Variants in CACUL1 observed in about 807,000 individuals in gnomAD.
The protein encoded by CACUL1 is CDK2-associated and cullin domain-containing protein 1.
CACUL1 carries 13 observed loss-of-function variants against 45.2 expected under a neutral mutation model. The ratio of observed to expected loss-of-function variants is 0.29; its 90% CI spans 0.19 to 0.46. The LOEUF is 0.46. Among genes scored for constraint, CACUL1 ranks in the 20% least tolerant of loss-of-function variants. The pLI is 1.00. For missense variants in CACUL1, 421 were observed against 471.4 expected (o/e 0.89, Z 0.99); for synonymous variants, 197 against 174.2 (o/e 1.13, Z -1.03).
At chr10:118,718,916 A>C (rs1845573375) in intron 3 of CACUL1, among the ~76,000 whole-genome samples, 1 of 152,216 alleles carries the variant, frequency 6.6e-6, no homozygotes, top group African/African-American at 2.4e-5. Context: ...TTTTAAGCTA[A>C]ACTGTTCTTT....
chr10:118,710,976 G>T (rs948522941), intron 3 of CACUL1, among the ~76,000 whole-genome samples: 2 of 152,164 alleles, frequency 1.3e-5, no homozygotes, highest in African/African-American at 4.8e-5. Flanking sequence ...AAAGAAAATA[G>T]TGTGTGTTTT....
chr10:118,741,606 T>C (rs531165691), intron 1 of CACUL1, among the ~76,000 whole-genome samples: 10 of 152,292 alleles, frequency 6.6e-5, no homozygotes, highest in African/African-American at 2.2e-4. Flanking sequence ...TTTTGTAGAT[T>C]CTAGTCCCTA....
At chr10:118,735,997 G>C (rs1845737687) in intron 1 of CACUL1, among the ~76,000 whole-genome samples, 1 of 152,036 alleles carries the variant, frequency 6.6e-6, no homozygotes, top group Non-Finnish European at 1.5e-5. Flanking sequence ...TTTGTCACTA[G>C]AGTATGCTCA....
chr10:118,695,070 C>A, intron 6 of CACUL1, 71 bp downstream of exon 6: 1 of 948,240 alleles, frequency 1.1e-6, no homozygotes, highest in Non-Finnish European at 1.7e-6. Context: ...AAAACACATA[C>A]AGAACCACTG....
At chr10:118,751,607 A>T (rs1331539829) in intron 1 of CACUL1, among the ~76,000 whole-genome samples, 1 of 152,270 alleles carries the variant, frequency 6.6e-6, no homozygotes, top group Admixed American at 6.5e-5. Context: ...TACAGCCTTG[A>T]CATCTTAACT....
chr10:118,699,891 G>A (rs1382231353), intron 5 of CACUL1, among the ~76,000 whole-genome samples: 3 of 151,270 alleles, frequency 2.0e-5, no homozygotes, highest in African/African-American at 7.3e-5. Context: ...CTCGTGATCC[G>A]CCGGCCTCAG....
chr10:118,740,089 G>C (rs1233645014), intron 1 of CACUL1, among the ~76,000 whole-genome samples: 1 of 152,196 alleles, frequency 6.6e-6, no homozygotes, highest in Non-Finnish European at 1.5e-5. Flanking sequence ...GGAGGTTGTA[G>C]TGATCTGAGA....
rs1223130134 is a variant in CACUL1, at chr10:118,684,751, G to A, written c.*1377C>T. 6.6e-6 allele frequency: 1 copy of A among 152,190 alleles called. No homozygotes were observed. Among genetic ancestry groups the A allele is most frequent in the South Asian group, 2.1e-4 (1 of 4,830 alleles). 9.4% of individuals were successfully genotyped at this position (152,190 alleles called of 1,614,324 possible). On this transcript the variant is annotated 3_prime_UTR_variant, in exon 9 of 9. Transcript: ENST00000369151. The stretch of plus-strand genomic sequence containing the variant: ...TATGAAGAACCTGCAGAGCAGACAT[G>A]CGACAGCATCCCTGGGATGTTTCTT...
intron 5 of CACUL1, among the ~76,000 whole-genome samples, chr10:118,700,507 A>G (rs1046555749): frequency 1.6e-4 from 25 of 151,920 alleles, no homozygotes; most frequent in Non-Finnish European, 2.8e-4. Context: ...CACGAGGTCA[A>G]AAGATTGAGA....
chr10:118,743,419 G>GA (rs1287234799), intron 1 of CACUL1, among the ~76,000 whole-genome samples: 1 of 151,660 alleles, frequency 6.6e-6, no homozygotes. Context: ...AAGTACCCAG[G>GA]AAAAAAAGGG....
At chr10:118,702,074 T>A (rs1845385940) in intron 4 of CACUL1, among the ~76,000 whole-genome samples, 1 of 152,200 alleles carries the variant, frequency 6.6e-6, no homozygotes. Flanking sequence ...CTGCCTTAAC[T>A]GAGGACATTA....
chr10:118,727,938 T>C (rs755692908), intron 3 of CACUL1, among the ~76,000 whole-genome samples: 18 of 152,210 alleles, frequency 1.2e-4, no homozygotes, highest in Non-Finnish European at 2.1e-4. Context: ...CTATAAAGCA[T>C]AGATCTAGGG....
At chr10:118,707,407 C>A in intron 4 of CACUL1, 85 bp downstream of exon 4, 3 of 585,848 alleles carry the variant, frequency 5.1e-6, no homozygotes, top group Non-Finnish European at 5.9e-6. Context: ...AAAAGAAAAA[C>A]AGAATATGCT....
chr10:118,696,704 C>T (rs565937791), intron 5 of CACUL1, among the ~76,000 whole-genome samples: 4 of 152,360 alleles, frequency 2.6e-5, no homozygotes, highest in Admixed American at 6.5e-5. Flanking sequence ...AGGCCGCATG[C>T]GGCCCGCAGG....
chr10:118,734,865 T>G (rs1041321272), intron 1 of CACUL1, among the ~76,000 whole-genome samples: 1 of 152,222 alleles, frequency 6.6e-6, no homozygotes, highest in African/African-American at 2.4e-5. Flanking sequence ...ACACATGGAA[T>G]AGCTGGAATC....
rs1392321181 is a variant in CACUL1 at position 118,679,182 on chromosome 10, A to C, written c.*6946T>G. 2 of 152,140 alleles carry C rather than the reference A, an allele frequency of 1.3e-5. No homozygotes were observed. The highest frequency in any genetic ancestry group is 4.8e-5 in the African/African-American group (2 of 41,392). The allele number at this position is 152,140 out of a possible 1,614,324, so 9.4% of individuals were successfully genotyped here. ...TAGCCTCCAAATAACTAGGACTAAA[A>C]GCAGGTACCACCACGCCCAACTTTT... is the stretch of plus-strand genomic sequence containing the variant. On this transcript the variant is annotated 3_prime_UTR_variant, in exon 9 of 9. Transcript: ENST00000369151.
At chr10:118,716,542 C>T (rs186128538) in intron 3 of CACUL1, among the ~76,000 whole-genome samples, 31 of 151,694 alleles carry the variant, frequency 2.0e-4, no homozygotes, top group Non-Finnish European at 3.1e-4. Flanking sequence ...ACGGATACTT[C>T]TAATTCAGAC....
chr10:118,686,058 G>T lies in CACUL1; in HGVS notation c.*70C>A. On this transcript the variant is annotated 3_prime_UTR_variant, in exon 9 of 9. Transcript: ENST00000369151. The stretch of plus-strand genomic sequence containing the variant: ...CCTGAGTGTGTGCAGCCCCCACTGT[G>T]CTCTGAATACAGTCTCTGCAGCTCC... 2 of 1,184,650 alleles carry T rather than the reference G, an allele frequency of 1.7e-6. No individual in the cohort carries two copies. The highest frequency in any genetic ancestry group is 2.5e-6 in the Non-Finnish European group (2 of 791,994). The allele number at this position is 1,184,650 out of a possible 1,614,324, so 73.4% of individuals were successfully genotyped here. A position where few individuals can be genotyped will look rare whatever the true frequency, so the allele number is the denominator to read the frequency against.
At chr10:118,735,936 G>A (rs1028306670) in intron 1 of CACUL1, among the ~76,000 whole-genome samples, 1 of 152,016 alleles carries the variant, frequency 6.6e-6, no homozygotes, top group Non-Finnish European at 1.5e-5. Context: ...TTTGTTACCT[G>A]TTTAACTCGA....
Sources: gnomAD v4.1 joint callset for allele counts (sites outside exome capture counted in the v4.1 genomes callset) on GRCh38, gnomAD v4.1.1 for gene constraint, MANE v1.5 for transcripts, NCBI Gene and HGNC (gene_info 2026-07-23, HGNC 2026-07-21) for gene names.